Variants in SPINT1 observed in about 807,000 individuals in gnomAD.
SPINT1 encodes serine peptidase inhibitor, Kunitz type 1, also known as kunitz-type protease inhibitor 1.
In SPINT1, 38 loss-of-function variants were observed where a neutral mutation model predicts 53.7. The observed-to-expected ratio is 0.71, with a 90% CI of 0.55 to 0.93. SPINT1 has a LOEUF of 0.93. Among genes scored for constraint, SPINT1 ranks in the 40% least tolerant of loss-of-function variants. The pLI is 0.00. For missense variants in SPINT1, 645 were observed against 692.9 expected (o/e 0.93, Z 0.78); for synonymous variants, 283 against 280.6 (o/e 1.01, Z -0.08).
chr15:40,845,497 G>T (rs1891266838), intron 2 of SPINT1, among the ~76,000 whole-genome samples: 1 of 152,042 alleles, frequency 6.6e-6, no homozygotes, highest in Non-Finnish European at 1.5e-5. Flanking sequence ...ATCAAGCCTG[G>T]TGATCAATGG....
In SPINT1 at chr15:40,844,645, C is replaced by T. The variant is rs1277572801; in HGVS notation, c.91C>T (p.Gln31Ter). 4 of 1,606,124 alleles carry T rather than the reference C, an allele frequency of 2.5e-6. No individual in the cohort carries two copies. The highest frequency in any genetic ancestry group is 3.4e-6 in the Non-Finnish European group (4 of 1,176,678). ...GTGGCTTCTGTGCACGCTCGGCCTC[C>T]AGGGCACCCAGGCCGGGCCACCGCC... ...ALWLLCTLGL[Q>*]GTQAGPPPAP... The change falls in exon 2 of 11, where the codon CAG (glutamine) becomes TAG (stop). Residue 31 changes from glutamine (Q) to a stop codon, truncating the protein, a stop_gained. Transcript: ENST00000562057. LOFTEE classifies it high-confidence loss of function. This position sits in a 1 kb window ranked among gnomAD's most constrained non-coding sequence, Gnocchi z 5.8.
intron 10 of SPINT1, 59 bp from the exon 11 acceptor site, chr15:40,856,711 G>T: frequency 1.2e-6 from 2 of 1,606,236 alleles, no homozygotes; most frequent in Non-Finnish European, 1.7e-6. Flanking sequence ...TAGATTGGGG[G>T]TGGGTGTCAG....
rs1052568704 is a variant in SPINT1, at chr15:40,856,294, T to C, written c.1307T>C (p.Leu436Pro). 6.2e-7 allele frequency: 1 copy of C among 1,614,056 alleles called. No homozygotes were observed. Among genetic ancestry groups the C allele is most frequent in the African/African-American group, 1.3e-5 (1 of 74,916 alleles). ...TCTGCAGAGAAGGATGTGTTTGGCC[T>C]GAGGCGGGAAATCCCCATTCCCAGC... ...RGISKKDVFG[L>P]RREIPIPSTG... is the part of the protein sequence containing the mutation. Residue 436 changes from leucine to proline, a missense_variant, in exon 10 of 11, where the codon CTG becomes CCG. Physicochemically the swap from Leu to Pro is moderately conservative, Grantham distance 98 (BLOSUM62 -3). Coordinates refer to ENST00000562057, the MANE Select transcript of SPINT1 (RefSeq NM_003710.4).
chr15:40,855,286 T>G (rs1283691833), intron 8 of SPINT1, among the ~76,000 whole-genome samples: 5 of 152,104 alleles, frequency 3.3e-5, no homozygotes, highest in African/African-American at 1.2e-4. Flanking sequence ...AAGGCTGAGG[T>G]AGGAGGATCA....
At chr15:40,853,933 A>G (rs778018533) in intron 5 of SPINT1, 52 bp downstream of exon 5, 29 of 1,613,932 alleles carry the variant, frequency 1.8e-5, no homozygotes, top group Non-Finnish European at 2.4e-5. Context: ...CCCCAGGGTG[A>G]GTGGTCTCTC....
At chr15:40,854,604 G>A (rs767910208) in intron 7 of SPINT1, 35 bp from the exon 8 acceptor site, 9 of 1,614,202 alleles carry the variant, frequency 5.6e-6, no homozygotes, top group Non-Finnish European at 7.6e-6. Context: ...GGAGACCCTT[G>A]TTGGGTCTGA....
At chr15:40,853,663 C>A (rs374398975) in intron 4 of SPINT1, 36 bp downstream of exon 4, 11 of 1,613,988 alleles carry the variant, frequency 6.8e-6, no homozygotes, top group Non-Finnish European at 9.3e-6. Context: ...CTGGAGCCCC[C>A]GCTGTGCGGA....
At position 40,853,781 on chromosome 15, in the gene SPINT1, G is replaced by T. The variant is rs766418662; in HGVS notation, c.813G>T (p.Thr271=). 6.2e-7 allele frequency: 1 copy of T among 1,614,208 alleles called. No homozygotes were observed. The highest frequency in any genetic ancestry group is 1.3e-5 in the African/African-American group (1 of 75,062). Residue 271 remains threonine, a synonymous_variant, in exon 5 of 11, where the codon ACG becomes ACT. Coordinates refer to ENST00000562057, the MANE Select transcript of SPINT1 (RefSeq NM_003710.4). ...GSFPRWYYDP[T]EQICKSFVYG... ...TCCCACGCTGGTACTATGACCCCAC[G>T]GAGCAGATCTGCAAGAGTTTCGTTT... is the stretch of plus-strand genomic sequence containing the variant.
At chr15:40,854,799 C>A in intron 8 of SPINT1, 110 bp downstream of exon 8, 1 of 1,386,180 alleles carries the variant, frequency 7.2e-7, no homozygotes, top group Non-Finnish European at 1.0e-6. Context: ...GGCCTGTGGG[C>A]ACAAAGAGCC....
chr15:40,856,331 C>T lies in SPINT1; in HGVS notation c.1336+8C>T. 2 of 1,614,178 alleles carry T rather than the reference C, an allele frequency of 1.2e-6. No individual in the cohort carries two copies. Among genetic ancestry groups the T allele is most frequent in the Non-Finnish European group, 1.7e-6 (2 of 1,180,038 alleles). ...TCCCCATTCCCAGCACAGGTAAGCC[C>T]TGATCTGTCCTGTAACTGAGGTTAG... On this transcript the variant is annotated splice_region_variant and intron_variant, in intron 10 of 10. Transcript: ENST00000562057.
chr15:40,845,171 G>A (rs536678624), intron 2 of SPINT1, 142 bp downstream of exon 2: 2 of 720,950 alleles, frequency 2.8e-6, no homozygotes, highest in Non-Finnish European at 4.3e-6. Context: ...TTTTGCGACG[G>A]AGTCTCGCTC....
chr15:40,853,115 C>A lies in SPINT1; in HGVS notation c.476-9C>A, dbSNP rs376378235. ...GAATTGACCTTATCTCACTTTCTCT[C>A]CCCGCCAGGGTCTGGGATCCCCAAG... On this transcript the variant is annotated splice_polypyrimidine_tract_variant and intron_variant, in intron 2 of 10. Coordinates refer to ENST00000562057, the MANE Select transcript of SPINT1 (RefSeq NM_003710.4). 4 of 1,612,606 alleles carry A rather than the reference C, an allele frequency of 2.5e-6. No homozygotes were observed. The African/African-American group carries it at 4.0e-5, about 16-fold the overall frequency.
Position 40,844,201 on chromosome 15 carries a change from C to T in SPINT1, c.-66+15C>T. ...CACCTGCGCAGGTAACCCGGGCCCC[C>T]GCGCGCAAGGCCGAGGCGCAGGCGG... On this transcript the variant is annotated intron_variant, in intron 1 of 10. Transcript: ENST00000562057. This position sits in a 1 kb window ranked among gnomAD's most constrained non-coding sequence, Gnocchi z 5.8. 2.4e-6 allele frequency: 1 copy of T among 408,440 alleles called. No individual in the cohort carries two copies. Among genetic ancestry groups the T allele is most frequent in the Non-Finnish European group, 4.6e-6 (1 of 217,482 alleles). 25.3% of individuals were successfully genotyped at this position (408,440 alleles called of 1,614,324 possible).
At chr15:40,853,932 G>A (rs777647076) in intron 5 of SPINT1, 51 bp downstream of exon 5, 2 of 1,614,068 alleles carry the variant, frequency 1.2e-6, no homozygotes, top group South Asian at 1.1e-5. Context: ...CCCCCAGGGT[G>A]AGTGGTCTCT....
chr15:40,849,277 C>T (rs1258010719), intron 2 of SPINT1, among the ~76,000 whole-genome samples: 1 of 151,928 alleles, frequency 6.6e-6, no homozygotes, highest in Non-Finnish European at 1.5e-5. Context: ...AATGGGGTCT[C>T]ACTCTGTCAC....
rs373996078 is a variant in SPINT1 at position 40,853,182 on chromosome 15, C to T, written c.534C>T (p.Pro178=). The T allele has an allele frequency of 1.1e-5, 17 of 1,614,042 alleles. No individual in the cohort carries two copies. The African/African-American group carries it at 2.0e-4, about 19-fold the overall frequency. ...ACTTGAAGGTACAACCCCAGGAACCCCTGGTGCTGAAGGATGTGGAAAACA... is the reference window on the plus strand; with the variant it reads ...ACTTGAAGGTACAACCCCAGGAACCTCTGGTGCTGAAGGATGTGGAAAACA... ...GIDLKVQPQE[P]LVLKDVENTD... Residue 178 remains proline (P), a synonymous_variant, in exon 3 of 11, where the codon CCC becomes CCT. Coordinates refer to ENST00000562057, the MANE Select transcript of SPINT1 (RefSeq NM_003710.4).
chr15:40,856,691 G>T (rs781570126), intron 10 of SPINT1, 79 bp from the exon 11 acceptor site: 140 of 1,590,776 alleles, frequency 8.8e-5, no homozygotes, highest in Non-Finnish European at 1.2e-4. Flanking sequence ...ATTTGACTTG[G>T]TCTCTTCCAT....
chr15:40,851,526 T>A (rs536739942), intron 2 of SPINT1, among the ~76,000 whole-genome samples: 1 of 152,154 alleles, frequency 6.6e-6, no homozygotes, highest in Non-Finnish European at 1.5e-5. Flanking sequence ...AATCAAAAAA[T>A]CCTTTCTCCC....
intron 8 of SPINT1, among the ~76,000 whole-genome samples, chr15:40,855,355 TG>T (rs1411018550): frequency 6.6e-6 from 1 of 152,212 alleles, no homozygotes; most frequent in East Asian, 1.9e-4. Flanking sequence ...CACCTCAGCC[TG>T]GGCAACAGAG....
Sources: gnomAD v4.1 joint callset for allele counts (sites outside exome capture counted in the v4.1 genomes callset) on GRCh38, gnomAD v4.1.1 for gene constraint, Gnocchi (gnomAD v3.1) non-coding constraint, MANE v1.5 for transcripts, NCBI Gene and HGNC (gene_info 2026-07-23, HGNC 2026-07-21) for gene names.